Variants in AGBL4 observed in about 807,000 individuals in gnomAD.
AGBL4 encodes AGBL carboxypeptidase 4, also known as cytosolic carboxypeptidase 6.
Under a neutral mutation model 66.4 loss-of-function variants are expected in AGBL4, and 58 were observed. The ratio of observed to expected loss-of-function variants is 0.87; its 90% CI spans 0.71 to 1.09. The LOEUF is 1.09. AGBL4 is among the 50% of genes least tolerant of loss of function. The probability of loss-of-function intolerance (pLI) is 0.00; values close to 1 mark genes in which losing one functional copy is unlikely to be tolerated. For synonymous variants in AGBL4, 234 were observed against 222.9 expected, an observed-to-expected ratio of 1.05 and a Z score of -0.44; for missense variants, 579 against 631.0, an observed-to-expected ratio of 0.92 and a Z score of 0.88.
chr1:49,345,078 C>T (rs1262550431), intron 3 of AGBL4, among the ~76,000 whole-genome samples: 1 of 152,030 alleles, frequency 6.6e-6, no homozygotes, highest in Non-Finnish European at 1.5e-5. Flanking sequence ...ATTAGGCCCC[C>T]TAATTCCAAA....
chr1:49,250,243 G>A (rs1651940910), intron 3 of AGBL4, among the ~76,000 whole-genome samples: 1 of 152,090 alleles, frequency 6.6e-6, no homozygotes, highest in Admixed American at 6.6e-5. Flanking sequence ...ACAGAGAAAA[G>A]AGAAATGTTT....
rs181355441 is a variant in AGBL4, at chr1:49,024,110, A to G, written c.594+21474T>C. 3.8e-3 allele frequency among the ~76,000 whole-genome samples: 581 copies of G among 152,256 alleles called. 4 individuals carry two copies. Among genetic ancestry groups the G allele is most frequent in the African/African-American group, 0.013 (548 of 41,556 alleles). On this transcript the variant is annotated intron_variant, in intron 5 of 13. Transcript: ENST00000371839. ...TTAGATAATTAATTTTGATAAGTTG[A>G]GTTTACTAACAAAAAGAAATTACAG... is the stretch of plus-strand genomic sequence containing the variant.
chr1:49,360,363 C>T (rs1397900824), intron 3 of AGBL4, among the ~76,000 whole-genome samples: 1 of 152,092 alleles, frequency 6.6e-6, no homozygotes, highest in Non-Finnish European at 1.5e-5. Context: ...AAACATAAAA[C>T]ATATAGTAGA....
chr1:48,778,522 TG>T (rs1413824261), intron 6 of AGBL4, among the ~76,000 whole-genome samples: 2 of 152,188 alleles, frequency 1.3e-5, no homozygotes, highest in South Asian at 2.1e-4. Context: ...CTCAATTAAA[TG>T]TTATATTTTT....
At chr1:48,595,087 C>T (rs1203264098) in intron 9 of AGBL4, among the ~76,000 whole-genome samples, 3 of 152,170 alleles carry the variant, frequency 2.0e-5, no homozygotes, top group Non-Finnish European at 4.4e-5. Flanking sequence ...TAATATCATT[C>T]ATCTTGACTA....
chr1:49,873,474 C>T (rs1181536424), intron 1 of AGBL4, among the ~76,000 whole-genome samples: 1 of 151,960 alleles, frequency 6.6e-6, no homozygotes, highest in East Asian at 1.9e-4. Flanking sequence ...AGCTGAAAAC[C>T]GAGTCATGCA....
chr1:48,812,156 ACAGAAGTTCCCAGGGATGAGT>A, intron 6 of AGBL4, among the ~76,000 whole-genome samples: 2 of 152,246 alleles, frequency 1.3e-5, no homozygotes, highest in East Asian at 1.9e-4. Flanking sequence ...ATCAAAATGG[ACAGAAGTTCCCAGGGATGAGT>A]CAGGCCAAGA....
intron 4 of AGBL4, among the ~76,000 whole-genome samples, chr1:49,176,399 C>T (rs557406347): frequency 8.5e-5 from 13 of 152,250 alleles, no homozygotes; most frequent in African/African-American, 3.1e-4. Context: ...CATGCATCTG[C>T]ATATTTAGTC....
At chr1:49,263,552 G>C (rs1360285900) in intron 3 of AGBL4, among the ~76,000 whole-genome samples, 1 of 152,030 alleles carries the variant, frequency 6.6e-6, no homozygotes, top group Non-Finnish European at 1.5e-5. Flanking sequence ...TACTCCACTA[G>C]CAGTTGAGGA....
chr1:49,420,961 G>A (rs561122359), intron 3 of AGBL4, among the ~76,000 whole-genome samples: 1 of 152,236 alleles, frequency 6.6e-6, no homozygotes, highest in Admixed American at 6.5e-5. Context: ...TGCCCTAAAA[G>A]AGGTACAGAG....
At chr1:49,058,542 G>C (rs550372361) in intron 4 of AGBL4, among the ~76,000 whole-genome samples, 1 of 152,180 alleles carries the variant, frequency 6.6e-6, no homozygotes, top group Non-Finnish European at 1.5e-5. Context: ...CCAGTTTTGT[G>C]TATTTCTTCA....
intron 3 of AGBL4, among the ~76,000 whole-genome samples, chr1:49,581,228 T>A (rs1274344231): frequency 6.6e-6 from 1 of 152,138 alleles, no homozygotes; most frequent in Non-Finnish European, 1.5e-5. Context: ...CCTTGGTAAA[T>A]TTCTCATTCA....
At chr1:49,880,672 C>T (rs1302888667) in intron 1 of AGBL4, among the ~76,000 whole-genome samples, 1 of 152,178 alleles carries the variant, frequency 6.6e-6, no homozygotes. Flanking sequence ...CCTCCTTGAC[C>T]TGTGGTGGGC....
intron 2 of AGBL4, among the ~76,000 whole-genome samples, chr1:49,704,971 T>C (rs1232317849): frequency 6.6e-6 from 1 of 152,220 alleles, no homozygotes; most frequent in Non-Finnish European, 1.5e-5. Context: ...AGAATGTCAA[T>C]GGTAACTTGA....
intron 1 of AGBL4, among the ~76,000 whole-genome samples, chr1:49,942,059 A>T (rs1352035625): frequency 6.6e-6 from 1 of 152,152 alleles, no homozygotes; most frequent in Non-Finnish European, 1.5e-5. Flanking sequence ...ATCTTCATAC[A>T]CTGAAAATGA....
intron 6 of AGBL4, among the ~76,000 whole-genome samples, chr1:48,817,204 C>T (rs1348003066): frequency 6.6e-6 from 1 of 152,206 alleles, no homozygotes. Flanking sequence ...TTGCTATTTC[C>T]TGCCCCTAAA....
At chr1:48,556,741 T>C (rs1185104445) in intron 11 of AGBL4, among the ~76,000 whole-genome samples, 1 of 152,216 alleles carries the variant, frequency 6.6e-6, no homozygotes, top group Non-Finnish European at 1.5e-5. Context: ...TGATGGTAAA[T>C]TTACATTGTA....
chr1:49,346,812 G>A (rs11587484), intron 3 of AGBL4, among the ~76,000 whole-genome samples: 5,079 of 152,286 alleles, frequency 0.033, 123 homozygotes, highest in Non-Finnish European at 0.05. Context: ...GGGGAAATAT[G>A]TCAGAGGCTT....
intron 5 of AGBL4, among the ~76,000 whole-genome samples, chr1:48,890,456 T>C (rs1486508462): frequency 6.6e-6 from 1 of 152,210 alleles, no homozygotes; most frequent in Non-Finnish European, 1.5e-5. Context: ...AATCTATGTA[T>C]ATATTCTTGC....
Sources: gnomAD v4.1 joint callset for allele counts (sites outside exome capture counted in the v4.1 genomes callset) on GRCh38, gnomAD v4.1.1 for gene constraint, MANE v1.5 for transcripts, NCBI Gene and HGNC (gene_info 2026-07-23, HGNC 2026-07-21) for gene names.